TCF23: variants seen among roughly 807,000 people sequenced by gnomAD.
TCF23 encodes the protein class A basic helix-loop-helix protein 24.
Under a neutral mutation model 13.0 loss-of-function variants are expected in TCF23, and 7 were observed. The observed-to-expected ratio is 0.54, with a 90% CI of 0.31 to 1.01. The LOEUF (loss-of-function observed/expected upper bound fraction) is 1.01. Ranked by LOEUF, TCF23 falls within the 50% of genes least tolerant of loss-of-function variation. The pLI is 0.06. For missense variants in TCF23, 257 were observed against 289.8 expected (o/e 0.89, Z 0.82); for synonymous variants, 122 against 119.5 (o/e 1.02, Z -0.14).
At position 27,149,279 on chromosome 2, in the gene TCF23, G is replaced by C; in HGVS notation, c.146G>C (p.Ser49Thr). 1 of 1,596,576 alleles carries C rather than the reference G, an allele frequency of 6.3e-7. No individual in the cohort carries two copies. Among genetic ancestry groups the C allele is most frequent in the South Asian group, 1.1e-5 (1 of 87,876 alleles). ...AGGCAGGACCCGTGGGAAGAAAGAA[G>C]CTGGAGCAACCAGAGATGGAGCAGA... ...RTRQDPWEER[S>T]WSNQRWSRAT... Residue 49 changes from serine (S) to threonine (T), a missense_variant, in exon 1 of 3, where the codon AGC becomes ACC. Coordinates refer to ENST00000296096, the MANE Select transcript of TCF23 (RefSeq NM_175769.3).
Position 27,150,459 on chromosome 2 carries a change from C to T in TCF23, c.465+94C>T. 6.4e-7 allele frequency: 1 copy of T among 1,554,476 alleles called. No homozygotes were observed. Among genetic ancestry groups the T allele is most frequent in the Non-Finnish European group, 8.7e-7 (1 of 1,144,822 alleles). ...ATGAGGGGGGACATTGGACTTGGGC[C>T]CCCTGCCCTGTGCAGAACTGACGTC... On this transcript the variant is annotated intron_variant, in intron 2 of 2. Coordinates refer to ENST00000296096, the MANE Select transcript of TCF23 (RefSeq NM_175769.3). This position sits in a 1 kb window ranked among gnomAD's most constrained non-coding sequence, Gnocchi z 4.1.
intron 1 of TCF23, chr2:27,149,852 A>G (rs1457838995): frequency 4.3e-6 from 3 of 691,582 alleles, no homozygotes; most frequent in Non-Finnish European, 8.1e-6. Context: ...CTGAGGAGGC[A>G]TGAGTGGAGT....
chr2:27,154,021 T>G lies in TCF23; in HGVS notation c.*1154T>G, dbSNP rs763767074. Reference sequence around the variant, plus strand: ...CACTCAATTGGCTCCTTGTAAAATTTGTGTTCGAGGCTTCCCTGGCTCTGG... The same window carrying G: ...CACTCAATTGGCTCCTTGTAAAATTGGTGTTCGAGGCTTCCCTGGCTCTGG... On this transcript the variant is annotated 3_prime_UTR_variant, in exon 3 of 3. Transcript: ENST00000296096. 2 of 152,262 alleles carry G rather than the reference T, an allele frequency of 1.3e-5. No individual in the cohort carries two copies. The highest frequency in any genetic ancestry group is 2.9e-5 in the Non-Finnish European group (2 of 68,060). 9.4% of individuals were successfully genotyped at this position (152,262 alleles called of 1,614,324 possible).
Position 27,155,540 on chromosome 2 carries a change from C to A in TCF23, c.*2673C>A. On this transcript the variant is annotated 3_prime_UTR_variant, in exon 3 of 3. Coordinates refer to ENST00000296096, the MANE Select transcript of TCF23 (RefSeq NM_175769.3). ...GGATCATGAGGTCAGGAGTTCGAGACCAGCCTCGCCAACATGATGAAACCC... is the reference window on the plus strand; with the variant it reads ...GGATCATGAGGTCAGGAGTTCGAGAACAGCCTCGCCAACATGATGAAACCC... 1 of 152,040 alleles carries A rather than the reference C, an allele frequency of 6.6e-6. No individual in the cohort carries two copies. The highest frequency in any genetic ancestry group is 1.9e-4 in the East Asian group (1 of 5,172). The allele number at this position is 152,040 out of a possible 1,614,324, so 9.4% of individuals were successfully genotyped here. A position where few individuals can be genotyped will look rare whatever the true frequency, so the allele number is the denominator to read the frequency against.
intron 1 of TCF23, chr2:27,149,839 G>C: frequency 1.5e-6 from 1 of 688,756 alleles, no homozygotes. Context: ...CAGGACAAAG[G>C]CTCTGAGGAG....
At position 27,152,675 on chromosome 2, in the gene TCF23, C is replaced by A. The variant is rs1335572483; in HGVS notation, c.466-13C>A. 1 of 1,608,938 alleles carries A rather than the reference C, an allele frequency of 6.2e-7. No individual in the cohort carries two copies. The highest frequency in any genetic ancestry group is 2.2e-5 in the East Asian group (1 of 44,796). ...ATAGCAGCATTTCTCACTTCCCAAT[C>A]TGTGTCTTGCAGAAGTGGCCGATGC... On this transcript the variant is annotated splice_polypyrimidine_tract_variant and intron_variant, in intron 2 of 2. Transcript: ENST00000296096.
intron 1 of TCF23, chr2:27,149,634 G>A (rs1672729308): frequency 1.6e-6 from 1 of 627,874 alleles, no homozygotes; most frequent in East Asian, 3.4e-5. Flanking sequence ...TCACTGAGCA[G>A]CAGCCAGTGG....
At position 27,152,834 on chromosome 2, in the gene TCF23, C is replaced by T. The variant is rs1396201272; in HGVS notation, c.612C>T (p.Thr204=). The T allele has an allele frequency of 6.2e-7, 1 of 1,614,072 alleles. No homozygotes were observed. Among genetic ancestry groups the T allele is most frequent in the South Asian group, 1.1e-5 (1 of 91,072 alleles). ...VPGEADALLS[T]TPLSPALGDK Reference sequence around the variant, plus strand: ...GAGAGGCAGATGCTCTCCTTTCCACCACACCACTCTCACCAGCTCTTGGTG... The same window carrying T: ...GAGAGGCAGATGCTCTCCTTTCCACTACACCACTCTCACCAGCTCTTGGTG... The change falls in exon 3 of 3, where the codon ACC becomes ACT. Residue 204 remains threonine, a synonymous_variant. Coordinates refer to ENST00000296096, the MANE Select transcript of TCF23 (RefSeq NM_175769.3).
rs923111618 is a variant in TCF23, at chr2:27,153,215, G to A, written c.*348G>A. ...ACAAACCCTCTGCAGATAGCAAAAA[G>A]GCAGGTGCAGAGGGAGGGGCCTGGG... On this transcript the variant is annotated 3_prime_UTR_variant, in exon 3 of 3. Coordinates refer to ENST00000296096, the MANE Select transcript of TCF23 (RefSeq NM_175769.3). The A allele has an allele frequency of 5.0e-6, 1 of 200,772 alleles. No individual in the cohort carries two copies. Among genetic ancestry groups the A allele is most frequent in the African/African-American group, 2.3e-5 (1 of 42,844 alleles). 12.4% of individuals were successfully genotyped at this position (200,772 alleles called of 1,614,324 possible). A position where few individuals can be genotyped will look rare whatever the true frequency, so the allele number is the denominator to read the frequency against.
Position 27,153,029 on chromosome 2 carries a change from C to T in TCF23, c.*162C>T, listed in dbSNP as rs1009661619. The T allele has an allele frequency of 7.1e-7, 1 of 1,415,622 alleles. No homozygotes were observed. The highest frequency in any genetic ancestry group is 9.2e-7 in the Non-Finnish European group (1 of 1,086,082). The allele number at this position is 1,415,622 out of a possible 1,614,324, so 87.7% of individuals were successfully genotyped here. On this transcript the variant is annotated 3_prime_UTR_variant, in exon 3 of 3. Transcript: ENST00000296096. ...AGTAGCACTTCTGTGATGGACAGTA[C>T]CTAGAGGGGCACAGGTTGGAGAGCC...
Position 27,152,939 on chromosome 2 carries a change from A to C in TCF23, c.*72A>C. 1 of 1,552,170 alleles carries C rather than the reference A, an allele frequency of 6.4e-7. No homozygotes were observed. The highest frequency in any genetic ancestry group is 8.7e-7 in the Non-Finnish European group (1 of 1,148,530). ...GCCTGGATTTTCTACCAGCCCCCAG[A>C]TTCTCAGCCATCAGACTTGACTCAG... On this transcript the variant is annotated 3_prime_UTR_variant, in exon 3 of 3. Coordinates refer to ENST00000296096, the MANE Select transcript of TCF23 (RefSeq NM_175769.3).
In TCF23 at chr2:27,150,093, C is replaced by A; in HGVS notation, c.223-30C>A. ...AGTCAGGGCAGTTGGGAGTCCAGGTCACACACACTCACTGGGGCCCTCTGT... is the reference window on the plus strand; with the variant it reads ...AGTCAGGGCAGTTGGGAGTCCAGGTAACACACACTCACTGGGGCCCTCTGT... On this transcript the variant is annotated intron_variant, in intron 1 of 2. Transcript: ENST00000296096. The surrounding 1 kb of genome is among the most constrained non-coding windows in gnomAD (Gnocchi z 4.1). The A allele has an allele frequency of 6.3e-7, 1 of 1,580,914 alleles. No individual in the cohort carries two copies. Among genetic ancestry groups the A allele is most frequent in the South Asian group, 1.1e-5 (1 of 89,744 alleles).
At chr2:27,151,689 G>A (rs1242873695) in intron 2 of TCF23, among the ~76,000 whole-genome samples, 2 of 152,078 alleles carry the variant, frequency 1.3e-5, no homozygotes, top group East Asian at 3.9e-4. Context: ...ATGCTGGAGT[G>A]CAGTAGCGCA....
At chr2:27,152,482 G>C (rs1672774865) in intron 2 of TCF23, among the ~76,000 whole-genome samples, 1 of 152,176 alleles carries the variant, frequency 6.6e-6, no homozygotes. Flanking sequence ...TCCTCAGATG[G>C]CTCCTCCTGT....
intron 2 of TCF23, among the ~76,000 whole-genome samples, chr2:27,151,249 C>T (rs1391076902): frequency 6.6e-6 from 1 of 152,142 alleles, no homozygotes; most frequent in East Asian, 1.9e-4. Flanking sequence ...GAAGAGTGCA[C>T]TGTGTTAAAA....
At chr2:27,151,632 CTATT>C (rs1328461543) in intron 2 of TCF23, among the ~76,000 whole-genome samples, 1 of 150,786 alleles carries the variant, frequency 6.6e-6, no homozygotes, top group Non-Finnish European at 1.5e-5. Flanking sequence ...CCACACCCAA[CTATT>C]TATTTATTTA....
chr2:27,152,731 A>C lies in TCF23; in HGVS notation c.509A>C (p.Tyr170Ser). Residue 170 changes from tyrosine (Y) to serine (S), a missense_variant, in exon 3 of 3, where the codon TAC (tyrosine) becomes TCC (serine). Coordinates refer to ENST00000296096, the MANE Select transcript of TCF23 (RefSeq NM_175769.3). ...CGTCTCTATGCTGGAGGCCTGGGGT[A>C]CTCCGATCTTGACTCCACCACAGCC... ...RSRLYAGGLG[Y>S]SDLDSTTAST... 2 of 1,613,900 alleles carry C rather than the reference A, an allele frequency of 1.2e-6. 1 individual carries two copies. Among genetic ancestry groups the C allele is most frequent in the Non-Finnish European group, 1.7e-6 (2 of 1,179,958 alleles).
At chr2:27,152,595 T>A (rs1672776302) in intron 2 of TCF23, 93 bp from the exon 3 acceptor site, 10 of 1,464,456 alleles carry the variant, frequency 6.8e-6, no homozygotes, top group African/African-American at 1.4e-5. Flanking sequence ...CAGGGAGGGA[T>A]GCTGGAGAAG....
chr2:27,149,678 C>G (rs1378167520), intron 1 of TCF23: 4 of 598,532 alleles, frequency 6.7e-6, no homozygotes, highest in Non-Finnish European at 9.7e-6. Context: ...TGCTTTGACC[C>G]CTGGTTCTGT....
Sources: allele counts gnomAD v4.1 joint callset (sites outside exome capture counted in the v4.1 genomes callset), GRCh38; gene constraint gnomAD v4.1.1; non-coding constraint Gnocchi (gnomAD v3.1); transcripts MANE v1.5; gene names NCBI Gene and HGNC (gene_info 2026-07-23, HGNC 2026-07-21).